Variants in ASPRV1 observed in about 807,000 individuals in gnomAD.
ASPRV1 encodes retroviral-like aspartic protease 1.
A neutral mutation model predicts 11.0 loss-of-function variants in ASPRV1; 7 were observed. The observed-to-expected ratio is 0.64, with a 90% CI of 0.36 to 1.20. The LOEUF is 1.20. Ranked by LOEUF, ASPRV1 falls within the 50% of genes most tolerant of loss-of-function variation. The pLI is 0.02. For missense variants in ASPRV1, 299 were observed against 320.0 expected (o/e 0.93, Z 0.50); for synonymous variants, 136 against 138.4 (o/e 0.98, Z 0.12).
chr2:69,989,305 T>C, the ASPRV1 span, among the ~76,000 whole-genome samples: 12 of 152,262 alleles, frequency 7.9e-5, no homozygotes, highest in Admixed American at 7.8e-4. Context: ...CTGGGCCTTT[T>C]ATAAGACATT....
the ASPRV1 span, among the ~76,000 whole-genome samples, chr2:69,954,299 T>C: frequency 6.6e-6 from 1 of 152,144 alleles, no homozygotes; most frequent in African/African-American, 2.4e-5. Flanking sequence ...CCAGAATCCT[T>C]TGCAGCACTG....
At chr2:69,964,166 A>G (rs1323912568), upstream of ASPRV1, 5 of 300,492 alleles carry the variant, frequency 1.7e-5, no homozygotes, top group Admixed American at 9.1e-5. Context: ...AGTTTATAGT[A>G]ACCTCCACCC....
chr2:69,938,225 A>C, the ASPRV1 span: 2 of 1,614,224 alleles, frequency 1.2e-6, no homozygotes, highest in Admixed American at 1.7e-5. Flanking sequence ...GGGCTATTCC[A>C]GCACCAGCAT....
chr2:70,081,130 C>G, the ASPRV1 span: 1 of 152,242 alleles, frequency 6.6e-6, no homozygotes, highest in African/African-American at 2.4e-5. Context: ...CTCCTAACAG[C>G]AGTGCAGGGT....
At chr2:70,009,725 C>T in the ASPRV1 span, among the ~76,000 whole-genome samples, 20 of 152,188 alleles carry the variant, frequency 1.3e-4, no homozygotes, top group Non-Finnish European at 2.5e-4. Context: ...GTGGGCAGAC[C>T]TTTGGGAAGC....
chr2:70,007,671 C>T, the ASPRV1 span, among the ~76,000 whole-genome samples: 1 of 151,896 alleles, frequency 6.6e-6, no homozygotes, highest in Non-Finnish European at 1.5e-5. Context: ...AGCTTATTTG[C>T]ATATAAAAAG....
chr2:70,083,144 G>C, the ASPRV1 span, among the ~76,000 whole-genome samples: 1 of 152,148 alleles, frequency 6.6e-6, no homozygotes, highest in African/African-American at 2.4e-5. Flanking sequence ...AATAGTAACT[G>C]GCTAGAAAGC....
chr2:70,028,023 G>C, the ASPRV1 span, among the ~76,000 whole-genome samples: 1 of 152,166 alleles, frequency 6.6e-6, no homozygotes. Flanking sequence ...TCCCAGTCCA[G>C]GGTACTGTAA....
the ASPRV1 span, among the ~76,000 whole-genome samples, chr2:70,072,305 C>T: frequency 1.3e-5 from 2 of 152,126 alleles, no homozygotes; most frequent in Non-Finnish European, 2.9e-5. Flanking sequence ...GTAGTCCCAG[C>T]TACTCAGAAG....
chr2:70,027,481 C>G, the ASPRV1 span, among the ~76,000 whole-genome samples: 2 of 151,882 alleles, frequency 1.3e-5, no homozygotes, highest in Non-Finnish European at 2.9e-5. Flanking sequence ...GTCACAATAG[C>G]CAAGATGTGG....
chr2:69,988,111 C>G, the ASPRV1 span, among the ~76,000 whole-genome samples: 5 of 152,110 alleles, frequency 3.3e-5, no homozygotes, highest in African/African-American at 9.7e-5. Context: ...GGTGGTTCCC[C>G]AAGAAGTTAA....
chr2:69,941,931 C>A, the ASPRV1 span: 1 of 151,948 alleles, frequency 6.6e-6, no homozygotes, highest in Non-Finnish European at 1.5e-5. Context: ...GGCGAGAATA[C>A]CACTATCATT....
At chr2:69,984,079 C>T in the ASPRV1 span, among the ~76,000 whole-genome samples, 1 of 152,146 alleles carries the variant, frequency 6.6e-6, no homozygotes, top group African/African-American at 2.4e-5. Flanking sequence ...CACTCTGTTG[C>T]CCAGGCTGGA....
chr2:69,990,290 T>G, the ASPRV1 span, among the ~76,000 whole-genome samples: 7 of 152,270 alleles, frequency 4.6e-5, no homozygotes, highest in African/African-American at 1.4e-4. Context: ...TTCATGCGAT[T>G]CTCATTCCTC....
chr2:69,937,820 G>T, the ASPRV1 span, among the ~76,000 whole-genome samples: 1 of 152,106 alleles, frequency 6.6e-6, no homozygotes, highest in Non-Finnish European at 1.5e-5. Context: ...CACCATATTG[G>T]CCAGGCTGGT....
chr2:69,938,443 G>A, the ASPRV1 span: 1 of 695,422 alleles, frequency 1.4e-6, no homozygotes, highest in Non-Finnish European at 2.4e-6. Flanking sequence ...GCTTAGGATT[G>A]TGGGTTTCTG....
the ASPRV1 span, among the ~76,000 whole-genome samples, chr2:69,990,855 G>A: frequency 1.3e-5 from 2 of 152,078 alleles, no homozygotes; most frequent in Non-Finnish European, 2.9e-5. Flanking sequence ...AGGGACATTA[G>A]GCGCCCTCGG....
chr2:70,066,721 C>T, the ASPRV1 span, among the ~76,000 whole-genome samples: 1 of 152,092 alleles, frequency 6.6e-6, no homozygotes, highest in African/African-American at 2.4e-5. Flanking sequence ...CTTCAGCCTC[C>T]CAAGTATCTG....
chr2:69,983,289 C>T, the ASPRV1 span, among the ~76,000 whole-genome samples: 38 of 152,302 alleles, frequency 2.5e-4, 1 homozygote, highest in Middle Eastern at 3.4e-3. Flanking sequence ...CTAGTGGCCT[C>T]CCCATGAACA....
Sources: allele counts gnomAD v4.1 joint callset (sites outside exome capture counted in the v4.1 genomes callset), GRCh38; gene constraint gnomAD v4.1.1; transcripts MANE v1.5; gene names NCBI Gene and HGNC (gene_info 2026-07-23, HGNC 2026-07-21).